Variants in RAB7A observed in about 807,000 individuals in gnomAD.
RAB7A encodes ras-related protein Rab-7a.
RAB7A carries 2 observed loss-of-function variants against 24.5 expected under a neutral mutation model. The observed-to-expected ratio is 0.08, with a 90% CI of 0.03 to 0.26. The LOEUF (loss-of-function observed/expected upper bound fraction) is 0.26. Among genes scored for constraint, RAB7A ranks in the 10% least tolerant of loss-of-function variants. RAB7A has a pLI of 1.00. For missense variants in RAB7A, 118 were observed against 255.7 expected (o/e 0.46, Z 3.67); for synonymous variants, 100 against 95.9 (o/e 1.04, Z -0.25).
intron 1 of RAB7A, among the ~76,000 whole-genome samples, chr3:128,774,698 G>A (rs1471927052): frequency 4.6e-5 from 7 of 152,150 alleles, no homozygotes; most frequent in African/African-American, 1.4e-4. Flanking sequence ...TCAGCCTCCC[G>A]AGTAGCTGGG....
chr3:128,772,560 ATTTT>A (rs1932975197), intron 1 of RAB7A, among the ~76,000 whole-genome samples: 1 of 152,066 alleles, frequency 6.6e-6, no homozygotes, highest in Non-Finnish European at 1.5e-5. Flanking sequence ...TATGACACTT[ATTTT>A]AAGCCTGATG....
chr3:128,813,601 A>ACG lies in RAB7A; in HGVS notation c.*181_*182dup, dbSNP rs1933975522. Reference sequence around the variant, plus strand: ...ACATATCTCTCACACACACACACACACGCACACACACACACACAGATCTGA... The same window carrying ACG: ...ACATATCTCTCACACACACACACACACGCGCACACACACACACACAGATCTGA... On this transcript the variant is annotated 3_prime_UTR_variant, in exon 6 of 6. Coordinates refer to ENST00000265062, the MANE Select transcript of RAB7A (RefSeq NM_004637.6). 1.8e-6 allele frequency: 1 copy of ACG among 565,118 alleles called. No individual in the cohort carries two copies. The highest frequency in any genetic ancestry group is 1.9e-5 in the African/African-American group (1 of 52,976). The allele number at this position is 565,118 out of a possible 1,614,324, so 35.0% of individuals were successfully genotyped here.
rs183801464 is a variant in RAB7A at position 128,736,779 on chromosome 3, A to G, written c.-9+10420A>G. ...ACTTCTGCTTAGGGTTCATTGGCCAAAATGAGTCACACCACACAAGGAATC... is the reference window on the plus strand; with the variant it reads ...ACTTCTGCTTAGGGTTCATTGGCCAGAATGAGTCACACCACACAAGGAATC... On this transcript the variant is annotated intron_variant, in intron 1 of 5. Coordinates refer to ENST00000265062, the MANE Select transcript of RAB7A (RefSeq NM_004637.6). 3.1e-3 allele frequency among the ~76,000 whole-genome samples: 470 copies of G among 152,326 alleles called. 2 individuals carry two copies. The highest frequency in any genetic ancestry group is 6.4e-3 in the South Asian group (31 of 4,824).
chr3:128,806,445 T>C lies in RAB7A; in HGVS notation c.254T>C (p.Val85Ala). ...TTCTACAGAGGTGCAGACTGCTGCG[T>C]TCTGGTATTTGATGTGACTGCCCCC... ...VAFYRGADCCVLVFDVTAPNT... is the reference protein window; with the variant it reads ...VAFYRGADCCALVFDVTAPNT... Residue 85 changes from valine to alanine, a missense_variant, in exon 4 of 6, where the codon GTT (valine) becomes GCT (alanine). Physicochemically the swap from Val to Ala is moderately conservative, Grantham distance 64 (BLOSUM62 0). Coordinates refer to ENST00000265062, the MANE Select transcript of RAB7A (RefSeq NM_004637.6). 2 of 1,614,092 alleles carry C rather than the reference T, an allele frequency of 1.2e-6. No individual in the cohort carries two copies. Among genetic ancestry groups the C allele is most frequent in the Non-Finnish European group, 1.7e-6 (2 of 1,180,006 alleles).
intron 1 of RAB7A, among the ~76,000 whole-genome samples, chr3:128,727,432 G>A (rs1323763123): frequency 6.6e-6 from 1 of 152,220 alleles, no homozygotes; most frequent in Non-Finnish European, 1.5e-5. Flanking sequence ...CTGTACCTCA[G>A]TGCCTCCCAC....
chr3:128,786,577 C>T (rs879912843), intron 1 of RAB7A, among the ~76,000 whole-genome samples: 1 of 152,096 alleles, frequency 6.6e-6, no homozygotes, highest in Non-Finnish European at 1.5e-5. Flanking sequence ...ACCCATGTTC[C>T]GTGCTGGTGA....
At chr3:128,756,839 G>A (rs989110205) in intron 1 of RAB7A, among the ~76,000 whole-genome samples, 2 of 150,486 alleles carry the variant, frequency 1.3e-5, no homozygotes, top group Admixed American at 1.3e-4. Flanking sequence ...CTTAGTATTC[G>A]CTATCTTTTT....
At chr3:128,736,617 C>T (rs1033580308) in intron 1 of RAB7A, among the ~76,000 whole-genome samples, 3 of 152,044 alleles carry the variant, frequency 2.0e-5, no homozygotes, top group Non-Finnish European at 4.4e-5. Context: ...CCAGCACGTA[C>T]AGTTTAAATC....
Position 128,804,167 on chromosome 3 carries a change from A to G in RAB7A, c.181-2205A>G, listed in dbSNP as rs1460279410. Among the ~76,000 whole-genome samples the G allele has an allele frequency of 7.4e-5, 11 of 147,804 alleles. No homozygotes were observed. In the East Asian group the frequency reaches 1.8e-3, roughly 24 times the overall value. On this transcript the variant is annotated intron_variant, in intron 3 of 5. Transcript: ENST00000265062. ...TAGACTTCAACTTCAACTTATAGTTACCTTTTCCTCATTTTAATGCCAAAA... is the reference window on the plus strand; with the variant it reads ...TAGACTTCAACTTCAACTTATAGTTGCCTTTTCCTCATTTTAATGCCAAAA...
At chr3:128,758,648 C>T (rs147327951) in intron 1 of RAB7A, among the ~76,000 whole-genome samples, 83 of 152,172 alleles carry the variant, frequency 5.5e-4, no homozygotes, top group African/African-American at 1.4e-3. Flanking sequence ...AAAACAACAA[C>T]GAAAAATCTT....
chr3:128,799,320 T>A (rs1933646961), intron 3 of RAB7A: 1 of 152,158 alleles, frequency 6.6e-6, no homozygotes, highest in African/African-American at 2.4e-5. Context: ...GGTGGATATG[T>A]CTCTGCTTCC....
At chr3:128,795,268 C>CT in intron 1 of RAB7A, 92 bp from the exon 2 acceptor site, 2 of 1,071,152 alleles carry the variant, frequency 1.9e-6, no homozygotes, top group Admixed American at 3.4e-5. Flanking sequence ...GGGCCCTGCA[C>CT]TGTTGGGGCT....
chr3:128,784,385 C>G (rs1933293037), intron 1 of RAB7A, among the ~76,000 whole-genome samples: 2 of 152,196 alleles, frequency 1.3e-5, no homozygotes, highest in African/African-American at 4.8e-5. Flanking sequence ...CCTTTACTTT[C>G]TCCCCATTCT....
At chr3:128,773,944 G>A (rs1326366450) in intron 1 of RAB7A, among the ~76,000 whole-genome samples, 4 of 151,510 alleles carry the variant, frequency 2.6e-5, no homozygotes, top group Non-Finnish European at 5.9e-5. Flanking sequence ...CAAACACTGC[G>A]GAAGGCCTCA....
chr3:128,740,461 A>G (rs1670335976), intron 1 of RAB7A, among the ~76,000 whole-genome samples: 1 of 152,234 alleles, frequency 6.6e-6, no homozygotes, highest in African/African-American at 2.4e-5. Flanking sequence ...TTTCATTGCC[A>G]TATAGCCTTC....
intron 1 of RAB7A, among the ~76,000 whole-genome samples, chr3:128,746,326 G>A (rs2070614998): frequency 6.6e-6 from 1 of 151,992 alleles, no homozygotes; most frequent in South Asian, 2.1e-4. Context: ...AGGCTAGAGT[G>A]CAGTGGCTCA....
chr3:128,811,828 G>T (rs144875699), intron 5 of RAB7A, among the ~76,000 whole-genome samples: 1 of 150,026 alleles, frequency 6.7e-6, no homozygotes, highest in Non-Finnish European at 1.5e-5. Context: ...CAGCCTGGGC[G>T]ACAGAGCAAG....
intron 1 of RAB7A, among the ~76,000 whole-genome samples, chr3:128,752,554 G>A (rs1276359710): frequency 6.6e-6 from 1 of 152,014 alleles, no homozygotes; most frequent in African/African-American, 2.4e-5. Flanking sequence ...TGTTTGTCAG[G>A]TCACCAAAAA....
At chr3:128,804,133 A>G (rs1933754629) in intron 3 of RAB7A, among the ~76,000 whole-genome samples, 2 of 130,400 alleles carry the variant, frequency 1.5e-5, no homozygotes, top group African/African-American at 6.2e-5. Context: ...CGCCCCCAGC[A>G]TGTGCAGTTA....
Sources: gnomAD v4.1 joint callset for allele counts (sites outside exome capture counted in the v4.1 genomes callset) on GRCh38, gnomAD v4.1.1 for gene constraint, MANE v1.5 for transcripts, NCBI Gene and HGNC (gene_info 2026-07-23, HGNC 2026-07-21) for gene names.